Variants in NAALADL2 observed in about 807,000 individuals in gnomAD.
NAALADL2 encodes the protein inactive N-acetylated-alpha-linked acidic dipeptidase-like protein 2.
Under a neutral mutation model 87.2 loss-of-function variants are expected in NAALADL2, and 76 were observed. That is an observed-to-expected ratio of 0.87 (90% CI 0.72 to 1.05). The LOEUF is 1.05. NAALADL2 is among the 50% of genes least tolerant of loss of function. NAALADL2 has a pLI of 0.00. For synonymous variants in NAALADL2, 354 were observed against 331.0 expected, an observed-to-expected ratio of 1.07 and a Z score of -0.75; for missense variants, 1,089 against 945.8, an observed-to-expected ratio of 1.15 and a Z score of -1.99.
intron 1 of NAALADL2, among the ~76,000 whole-genome samples, chr3:174,862,237 A>C (rs987703734): frequency 1.3e-5 from 2 of 152,042 alleles, no homozygotes; most frequent in African/African-American, 4.8e-5. Context: ...TTTTTCTTGC[A>C]TAATGCCTGC....
chr3:175,109,629 G>A (rs1281127630), intron 2 of NAALADL2, among the ~76,000 whole-genome samples: 1 of 151,850 alleles, frequency 6.6e-6, no homozygotes, highest in Non-Finnish European at 1.5e-5. Flanking sequence ...GGATGCAGTG[G>A]TCAGTTCAAC....
At chr3:174,717,249 T>G (rs1731274163) in intron 2 of NAALADL2, among the ~76,000 whole-genome samples, 2 of 152,120 alleles carry the variant, frequency 1.3e-5, no homozygotes, top group African/African-American at 4.8e-5. Flanking sequence ...TCTATTTTTT[T>G]AATTGTGTCA....
intron 1 of NAALADL2, among the ~76,000 whole-genome samples, chr3:174,944,616 G>T (rs1739131975): frequency 6.6e-6 from 1 of 152,152 alleles, no homozygotes; most frequent in African/African-American, 2.4e-5. Flanking sequence ...TGTCATGGTT[G>T]CAGATTCTTT....
intron 1 of NAALADL2, among the ~76,000 whole-genome samples, chr3:174,933,134 A>G (rs1392326269): frequency 2.0e-5 from 3 of 152,292 alleles, no homozygotes; most frequent in South Asian, 4.2e-4. Context: ...AAAAATTGTA[A>G]TAGAAAAGAC....
intron 9 of NAALADL2, among the ~76,000 whole-genome samples, chr3:175,480,465 A>G (rs913726473): frequency 6.6e-6 from 1 of 151,902 alleles, no homozygotes; most frequent in African/African-American, 2.4e-5. Context: ...TGAAATAGAC[A>G]TGATGTAGTG....
intron 4 of NAALADL2, among the ~76,000 whole-genome samples, chr3:175,285,745 A>T (rs1754899595): frequency 6.6e-6 from 1 of 152,120 alleles, no homozygotes; most frequent in Non-Finnish European, 1.5e-5. Context: ...TTTAAATGTC[A>T]TTCATTGTTT....
At chr3:174,453,305 C>A (rs1715606768) in intron 1 of NAALADL2, among the ~76,000 whole-genome samples, 1 of 152,154 alleles carries the variant, frequency 6.6e-6, no homozygotes, top group Non-Finnish European at 1.5e-5. Context: ...AAATCTACAA[C>A]TTATTTGTGT....
At chr3:174,628,757 A>G (rs1003380187) in intron 2 of NAALADL2, among the ~76,000 whole-genome samples, 1 of 152,150 alleles carries the variant, frequency 6.6e-6, no homozygotes, top group Non-Finnish European at 1.5e-5. Flanking sequence ...ACAACTGTTA[A>G]TACTCGTATC....
intron 3 of NAALADL2, among the ~76,000 whole-genome samples, chr3:174,801,842 CTT>C (rs1184267532): frequency 1.3e-5 from 2 of 151,750 alleles, no homozygotes; most frequent in African/African-American, 4.8e-5. Context: ...TAATGAGTCT[CTT>C]ATCATGATAG....
In NAALADL2 at chr3:175,244,713, G is replaced by A. The variant is rs532303818; in HGVS notation, c.819+10509G>A. 6.1e-4 allele frequency among the ~76,000 whole-genome samples: 93 copies of A among 152,170 alleles called. No homozygotes were observed. The South Asian group carries it at 0.011, about 18-fold the overall frequency. On this transcript the variant is annotated intron_variant, in intron 3 of 13. Coordinates refer to ENST00000454872, the MANE Select transcript of NAALADL2 (RefSeq NM_207015.3). ...CTTCAAGGACTATGTACTTACTGCC[G>A]TCTAAAAAGTTATTCCCCAGGTCTG...
rs139143570 is a variant in NAALADL2 at position 174,972,412 on chromosome 3, G to A, written c.43+112962G>A. Among the ~76,000 whole-genome samples, 679 of 152,216 alleles carry A rather than the reference G, an allele frequency of 4.5e-3. 1 individual carries two copies. The highest frequency in any genetic ancestry group is 0.016 in the African/African-American group (652 of 41,532). ...AAGTCCAAAATCTAAGTATCAGTAG[G>A]TTTTGTTTCTCCTGAGTCCCTTCCT... On this transcript the variant is annotated intron_variant, in intron 1 of 13. Transcript: ENST00000454872.
chr3:175,679,759 GA>G (rs1735335435), intron 11 of NAALADL2, among the ~76,000 whole-genome samples: 1 of 152,170 alleles, frequency 6.6e-6, no homozygotes, highest in Non-Finnish European at 1.5e-5. Flanking sequence ...AGAAGTGAAA[GA>G]AGGCTATATT....
At chr3:175,651,735 T>C (rs948103582) in intron 11 of NAALADL2, among the ~76,000 whole-genome samples, 3 of 152,208 alleles carry the variant, frequency 2.0e-5, no homozygotes, top group African/African-American at 7.2e-5. Context: ...TTTCTTAGCA[T>C]TTTGCCAAGG....
rs948368033 is a variant in NAALADL2, at chr3:175,252,874, A to G, written c.820-3537A>G. Reference sequence around the variant, plus strand: ...TTTAGCCAAAGCCTAATCCAGAGCAAGCCCCTAACTCTTTTCAGTTGTGTG... The same window carrying G: ...TTTAGCCAAAGCCTAATCCAGAGCAGGCCCCTAACTCTTTTCAGTTGTGTG... On this transcript the variant is annotated intron_variant, in intron 3 of 13. Coordinates refer to ENST00000454872, the MANE Select transcript of NAALADL2 (RefSeq NM_207015.3). Among the ~76,000 whole-genome samples the G allele has an allele frequency of 3.1e-4, 47 of 152,328 alleles. 1 individual carries two copies. Among genetic ancestry groups the G allele is most frequent in the African/African-American group, 1.1e-3 (45 of 41,588 alleles).
chr3:174,502,531 T>C (rs1718960638), intron 1 of NAALADL2, among the ~76,000 whole-genome samples: 1 of 152,192 alleles, frequency 6.6e-6, no homozygotes, highest in Admixed American at 6.5e-5. Flanking sequence ...CTCAAATCTT[T>C]TATTTTTTAA....
At chr3:175,349,665 C>G (rs1231511833) in intron 5 of NAALADL2, among the ~76,000 whole-genome samples, 9 of 152,038 alleles carry the variant, frequency 5.9e-5, no homozygotes. Context: ...AAAATGTGAA[C>G]TACAGAAAGT....
At chr3:174,865,339 C>T (rs1283762400) in intron 1 of NAALADL2, among the ~76,000 whole-genome samples, 4 of 151,910 alleles carry the variant, frequency 2.6e-5, no homozygotes, top group South Asian at 2.1e-4. Flanking sequence ...TCAACTTTAC[C>T]GTGTGACTTG....
At chr3:175,035,795 A>C (rs1753336728) in intron 1 of NAALADL2, among the ~76,000 whole-genome samples, 1 of 152,158 alleles carries the variant, frequency 6.6e-6, no homozygotes, top group African/African-American at 2.4e-5. Flanking sequence ...CCAGACCTCC[A>C]ATATCAGACT....
At chr3:175,777,102 AT>A in intron 13 of NAALADL2, among the ~76,000 whole-genome samples, 1 of 151,354 alleles carries the variant, frequency 6.6e-6, no homozygotes, top group Non-Finnish European at 1.5e-5. Context: ...GAAGCTGTGA[AT>A]TTTTGTCAGT....
Sources: allele counts gnomAD v4.1 joint callset (sites outside exome capture counted in the v4.1 genomes callset), GRCh38; gene constraint gnomAD v4.1.1; transcripts MANE v1.5; gene names NCBI Gene and HGNC (gene_info 2026-07-23, HGNC 2026-07-21).